The following COL2A1 variants were observed in gnomAD, a reference collection of about 807,000 sequenced individuals.
COL2A1 encodes collagen alpha-1(II) chain.
COL2A1 carries 28 observed loss-of-function variants against 204.5 expected under a neutral mutation model. That is an observed-to-expected ratio of 0.14 (90% CI 0.10 to 0.19). The LOEUF is 0.19. Ranked by LOEUF, COL2A1 falls within the 10% of genes least tolerant of loss-of-function variation. The probability of loss-of-function intolerance (pLI) is 1.00; values close to 1 mark genes in which losing one functional copy is unlikely to be tolerated. For missense variants in COL2A1, 1,388 were observed against 2,027.5 expected, an observed-to-expected ratio of 0.68 and a Z score of 6.06; for synonymous variants, 708 against 718.7, an observed-to-expected ratio of 0.99 and a Z score of 0.24.
intron 30 of COL2A1, 53 bp from the exon 31 acceptor site, chr12:47,983,491 C>G: frequency 6.3e-7 from 1 of 1,577,508 alleles, no homozygotes; most frequent in Non-Finnish European, 8.7e-7. Context: ...CTGCCCTGGC[C>G]CCCAGGGAGG....
upstream of COL2A1, chr12:48,006,128 C>T (rs1940457944): frequency 6.6e-6 from 1 of 152,374 alleles, no homozygotes. Flanking sequence ...CTTCCTCAGG[C>T]CCAATCTCTG....
At chr12:47,991,793 A>G (rs917055) in intron 16 of COL2A1, among the ~76,000 whole-genome samples, 121,845 of 152,130 alleles carry the variant, frequency 0.8, 49,174 homozygotes, top group Non-Finnish European at 0.85. Flanking sequence ...ACAAGCCAGC[A>G]TCCTGCTAAT....
At chr12:47,998,644 A>G in intron 2 of COL2A1, 1 of 594,974 alleles carries the variant, frequency 1.7e-6, no homozygotes, top group East Asian at 2.9e-5. Context: ...AATGGAGGTG[A>G]CCCAGACTTT....
In COL2A1 at chr12:47,987,323, G is replaced by A; in HGVS notation, c.1222-10C>T. The A allele has an allele frequency of 1.2e-6, 2 of 1,614,008 alleles. No individual in the cohort carries two copies. Among genetic ancestry groups the A allele is most frequent in the Non-Finnish European group, 1.7e-6 (2 of 1,179,940 alleles). ...CTGTTCCAGGGTTACCCTGAAAAGG[G>A]AGACATTGTCAAATAAGCAGCAAAG... On this transcript the variant is annotated splice_polypyrimidine_tract_variant and intron_variant, in intron 19 of 53. Transcript: ENST00000380518. This position sits in a 1 kb window ranked among gnomAD's most constrained non-coding sequence, Gnocchi z 4.1.
At chr12:47,984,936 A>C in intron 27 of COL2A1, 59 bp downstream of exon 27, 1 of 1,415,414 alleles carries the variant, frequency 7.1e-7, no homozygotes, top group African/African-American at 1.4e-5. Flanking sequence ...TTTCCCCAAG[A>C]GGGCAGGGAG....
chr12:47,980,933 C>G lies in COL2A1; in HGVS notation c.2499G>C (p.Ala833=). 1.3e-6 allele frequency: 2 copies of G among 1,552,604 alleles called. No individual in the cohort carries two copies. Among genetic ancestry groups the G allele is most frequent in the South Asian group, 2.4e-5 (2 of 84,080 alleles). Residue 833 remains alanine, a synonymous_variant, in exon 38 of 54, where the codon GCG becomes GCC. Transcript: ENST00000380518. The surrounding 1 kb of genome is among the most constrained non-coding windows in gnomAD (Gnocchi z 4.5). The stretch of plus-strand genomic sequence containing the variant: ...TACTCACAGGAGGCCCAGCAAATCC[C>G]GCTGGTCCGGGGGGCCCAGTCTCTC... ...ERGETGPPGP[A]GFAGPPGADG... is the part of the protein sequence containing the mutation.
At chr12:48,002,799 C>T (rs1442329851) in intron 1 of COL2A1, 4 of 152,308 alleles carry the variant, frequency 2.6e-5, no homozygotes, top group Non-Finnish European at 5.9e-5. Context: ...AGGAGCGCGC[C>T]TCCAGCTTAG....
rs41317917 is a variant in COL2A1, at chr12:47,987,249, AG to A, written c.1266+19del. 4.8e-4 allele frequency: 780 copies of A among 1,614,056 alleles called. 9 individuals are homozygous for A. In the East Asian group the frequency reaches 0.014, roughly 30 times the overall value. ...GGACTGGGCTCTCCTGGGGTAGCAA[AG>A]TCCACGGGCAACACTCACAGCAGAT... On this transcript the variant is annotated intron_variant, in intron 20 of 53. Coordinates refer to ENST00000380518, the MANE Select transcript of COL2A1 (RefSeq NM_001844.5). The surrounding 1 kb of genome is among the most constrained non-coding windows in gnomAD (Gnocchi z 4.1).
chr12:47,988,620 G>A (rs1423599197), intron 18 of COL2A1: 1 of 160,752 alleles, frequency 6.2e-6, no homozygotes, highest in Non-Finnish European at 1.4e-5. Flanking sequence ...AAAGCAACCT[G>A]ATGCCAGTGA....
At chr12:47,984,278 T>C (rs41317941) in intron 28 of COL2A1, 138 bp from the exon 29 acceptor site, 37 of 815,268 alleles carry the variant, frequency 4.5e-5, no homozygotes, top group African/African-American at 2.5e-4. Context: ...TTTCCACACC[T>C]TCCCCTCCCT....
chr12:47,978,473 G>A lies in COL2A1; in HGVS notation c.2896-75C>T. ...CTGTCCTCTCAGCACAGCTCTGTCT[G>A]TGCAGCCCCGCTCCCTGGCATCCCC... is the stretch of plus-strand genomic sequence containing the variant. On this transcript the variant is annotated intron_variant, in intron 42 of 53. Coordinates refer to ENST00000380518, the MANE Select transcript of COL2A1 (RefSeq NM_001844.5). This position sits in a 1 kb window ranked among gnomAD's most constrained non-coding sequence, Gnocchi z 5.5. 1 of 1,576,842 alleles carries A rather than the reference G, an allele frequency of 6.3e-7. No homozygotes were observed. The highest frequency in any genetic ancestry group is 1.1e-5 in the South Asian group (1 of 87,956).
chr12:47,984,275 A>T, intron 28 of COL2A1, 135 bp from the exon 29 acceptor site: 2 of 845,754 alleles, frequency 2.4e-6, no homozygotes, highest in Admixed American at 4.1e-5. Context: ...CCATTTCCAC[A>T]CCTTCCCCTC....
intron 51 of COL2A1, 142 bp from the exon 52 acceptor site, chr12:47,975,004 A>G: frequency 1.1e-6 from 1 of 877,932 alleles, no homozygotes; most frequent in Non-Finnish European, 1.7e-6. Flanking sequence ...AAGGAGGGGG[A>G]CCTGGGAGGA....
chr12:47,994,552 C>G, intron 11 of COL2A1, 75 bp from the exon 12 acceptor site: 1 of 1,504,064 alleles, frequency 6.6e-7, no homozygotes, highest in South Asian at 1.2e-5. Context: ...AGAGGGCTTC[C>G]CTCCTTCCAG....
At chr12:47,992,803 A>G in intron 16 of COL2A1, 75 bp downstream of exon 16, 1 of 1,489,504 alleles carries the variant, frequency 6.7e-7, no homozygotes, top group Non-Finnish European at 9.4e-7. Flanking sequence ...GGTTGTTTCG[A>G]GGGTCAAGAG....
chr12:47,996,305 C>T (rs574630820), intron 8 of COL2A1, among the ~76,000 whole-genome samples: 108 of 152,334 alleles, frequency 7.1e-4, no homozygotes, highest in Non-Finnish European at 1.0e-3. Flanking sequence ...GGTCTTCTAA[C>T]AGATCAGCCT....
chr12:47,977,265 G>A (rs1647942583), intron 46 of COL2A1, 55 bp downstream of exon 46: 1 of 1,574,730 alleles, frequency 6.4e-7, no homozygotes, highest in Non-Finnish European at 8.7e-7. Flanking sequence ...CCCAGGGACT[G>A]CCTCAGCCCC....
Position 47,979,498 on chromosome 12 carries a change from G to A in COL2A1, c.2733+13C>T. ...TGCCTGCCTGTGCCTCTCATGCCAG[G>A]AGCATCACTTACATTGGAGCCTGGG... On this transcript the variant is annotated intron_variant, in intron 41 of 53. Coordinates refer to ENST00000380518, the MANE Select transcript of COL2A1 (RefSeq NM_001844.5). The A allele has an allele frequency of 1.2e-6, 2 of 1,613,502 alleles. No individual in the cohort carries two copies. The highest frequency in any genetic ancestry group is 1.1e-5 in the South Asian group (1 of 91,076).
At position 47,973,491 on chromosome 12, in the gene COL2A1, G is replaced by A; in HGVS notation, c.4380C>T (p.Leu1460=). The A allele has an allele frequency of 4.3e-6, 7 of 1,614,146 alleles. No homozygotes were observed. The highest frequency in any genetic ancestry group is 5.9e-6 in the Non-Finnish European group (7 of 1,180,022). ...IEYRSQKTSR[L]PIIDIAPMDI... is the part of the protein sequence containing the mutation. The stretch of plus-strand genomic sequence containing the variant: ...CCATGGGTGCAATGTCAATGATGGG[G>A]AGGCGTGAGGTCTTCTGTGACCGGT... Residue 1460 remains leucine, a synonymous_variant, in exon 54 of 54, where the codon CTC becomes CTT. Coordinates refer to ENST00000380518, the MANE Select transcript of COL2A1 (RefSeq NM_001844.5).
Sources: gnomAD v4.1 joint callset for allele counts (sites outside exome capture counted in the v4.1 genomes callset) on GRCh38, gnomAD v4.1.1 for gene constraint, Gnocchi (gnomAD v3.1) non-coding constraint, MANE v1.5 for transcripts, NCBI Gene and HGNC (gene_info 2026-07-23, HGNC 2026-07-21) for gene names.